CHSY3: variants seen among roughly 807,000 people sequenced by gnomAD.
CHSY3 encodes the protein chondroitin sulfate synthase 3, also known as N-acetylgalactosaminyl-proteoglycan 3-beta-glucuronosyltransferase 3.
In CHSY3, 35 loss-of-function variants were observed where a neutral mutation model predicts 67.2. The ratio of observed to expected loss-of-function variants is 0.52; its 90% CI spans 0.40 to 0.69. The LOEUF is 0.69. Ranked by LOEUF, CHSY3 falls within the 30% of genes least tolerant of loss-of-function variation. CHSY3 has a pLI of 0.00. For synonymous variants in CHSY3, 474 were observed against 434.7 expected (o/e 1.09, Z -1.12); for missense variants, 1,069 against 1,138.5 (o/e 0.94, Z 0.88).
intron 2 of CHSY3, among the ~76,000 whole-genome samples, chr5:130,096,090 C>A (rs1030914979): frequency 6.6e-6 from 1 of 152,022 alleles, no homozygotes; most frequent in Non-Finnish European, 1.5e-5. Flanking sequence ...TGACTAAGGG[C>A]ATAACAACTA....
At chr5:129,940,030 C>G (rs1428139998) in intron 2 of CHSY3, among the ~76,000 whole-genome samples, 2 of 152,062 alleles carry the variant, frequency 1.3e-5, no homozygotes, top group East Asian at 3.8e-4. Flanking sequence ...CAAATTATAA[C>G]ACCGTTGAAA....
At position 129,926,398 on chromosome 5, in the gene CHSY3, A is replaced by G. The variant is rs368490667; in HGVS notation, c.1086+18038A>G. On this transcript the variant is annotated intron_variant, in intron 2 of 2. Coordinates refer to ENST00000305031, the MANE Select transcript of CHSY3 (RefSeq NM_175856.5). ...GTAACTGGAGTTTAGATTTATGAAC[A>G]TATAGTTTTATTTTGTGTCTTAATT... Among the ~76,000 whole-genome samples, 18 of 151,966 alleles carry G rather than the reference A, an allele frequency of 1.2e-4. No individual in the cohort carries two copies. In the East Asian group the frequency reaches 1.7e-3, roughly 15 times the overall value.
At chr5:129,914,393 G>A (rs969224850) in intron 2 of CHSY3, among the ~76,000 whole-genome samples, 1 of 152,168 alleles carries the variant, frequency 6.6e-6, no homozygotes, top group Non-Finnish European at 1.5e-5. Context: ...GATTACAGGC[G>A]TAAGCCACCG....
chr5:129,952,861 A>T (rs1258789192), intron 2 of CHSY3, among the ~76,000 whole-genome samples: 1 of 152,238 alleles, frequency 6.6e-6, no homozygotes, highest in Non-Finnish European at 1.5e-5. Flanking sequence ...TTCTTTAATC[A>T]TCAAACACTG....
chr5:130,134,427 A>C (rs1768593107), intron 2 of CHSY3, among the ~76,000 whole-genome samples: 1 of 152,226 alleles, frequency 6.6e-6, no homozygotes, highest in African/African-American at 2.4e-5. Flanking sequence ...GGTAATAATC[A>C]AAAACATGTA....
intron 2 of CHSY3, among the ~76,000 whole-genome samples, chr5:130,113,701 T>TCTACAAA (rs924576540): frequency 1.1e-4 from 16 of 152,202 alleles, no homozygotes; most frequent in African/African-American, 3.9e-4. Flanking sequence ...GGAAGACAGG[T>TCTACAAA]CTACATGAGA....
At chr5:130,169,345 T>G (rs936067219) in intron 2 of CHSY3, among the ~76,000 whole-genome samples, 2 of 152,050 alleles carry the variant, frequency 1.3e-5, no homozygotes, top group Non-Finnish European at 2.9e-5. Context: ...CATAAGAAAC[T>G]CCGTAAAAAA....
chr5:130,041,817 A>C (rs1765013379), intron 2 of CHSY3, among the ~76,000 whole-genome samples: 1 of 152,176 alleles, frequency 6.6e-6, no homozygotes, highest in African/African-American at 2.4e-5. Context: ...GAAATGTTTA[A>C]AAATGTGAAA....
intron 2 of CHSY3, among the ~76,000 whole-genome samples, chr5:130,151,783 A>C (rs888399334): frequency 6.6e-6 from 1 of 152,176 alleles, no homozygotes; most frequent in African/African-American, 2.4e-5. Flanking sequence ...CCCATGATTC[A>C]GTTACCTCCT....
intron 2 of CHSY3, among the ~76,000 whole-genome samples, chr5:130,098,916 CTG>C (rs1471232675): frequency 6.6e-6 from 1 of 152,030 alleles, no homozygotes; most frequent in Non-Finnish European, 1.5e-5. Context: ...ATTTTTTTAA[CTG>C]TGTTAGAATT....
intron 2 of CHSY3, among the ~76,000 whole-genome samples, chr5:130,122,625 G>GT (rs1768078505): frequency 1.3e-5 from 2 of 152,296 alleles, no homozygotes; most frequent in East Asian, 1.9e-4. Flanking sequence ...ACAGCCAGTG[G>GT]TTTTGTGCTG....
chr5:130,176,834 C>T (rs538976835), intron 2 of CHSY3, among the ~76,000 whole-genome samples: 1 of 152,036 alleles, frequency 6.6e-6, no homozygotes, highest in East Asian at 1.9e-4. Flanking sequence ...CACACCAGGG[C>T]CTGTTGAGGA....
At chr5:129,995,454 TA>T (rs200560499) in intron 2 of CHSY3, among the ~76,000 whole-genome samples, 2 of 151,394 alleles carry the variant, frequency 1.3e-5, no homozygotes, top group African/African-American at 2.4e-5. Flanking sequence ...ATTCGTCGAT[TA>T]AAAAAAAGAA....
chr5:129,934,625 T>G (rs1341284071), intron 2 of CHSY3, among the ~76,000 whole-genome samples: 3 of 152,186 alleles, frequency 2.0e-5, no homozygotes, highest in African/African-American at 7.2e-5. Flanking sequence ...CTTTTGTTTG[T>G]CTGTCAGGAT....
chr5:129,955,998 A>G (rs922346974), intron 2 of CHSY3, among the ~76,000 whole-genome samples: 10 of 152,156 alleles, frequency 6.6e-5, no homozygotes, highest in African/African-American at 2.4e-4. Context: ...GAACCTACAC[A>G]TGTATGTGTC....
intron 2 of CHSY3, among the ~76,000 whole-genome samples, chr5:129,947,525 A>G (rs1230645166): frequency 6.6e-6 from 1 of 151,946 alleles, no homozygotes; most frequent in Non-Finnish European, 1.5e-5. Flanking sequence ...TGGGAGGCTG[A>G]GACATAAGAA....
chr5:130,142,433 T>C (rs914954416), intron 2 of CHSY3, among the ~76,000 whole-genome samples: 1 of 152,202 alleles, frequency 6.6e-6, no homozygotes, highest in African/African-American at 2.4e-5. Context: ...CTTTTCCAAC[T>C]GGAAAACTGA....
At chr5:129,933,207 G>C (rs530425448) in intron 2 of CHSY3, among the ~76,000 whole-genome samples, 1 of 152,058 alleles carries the variant, frequency 6.6e-6, no homozygotes, top group East Asian at 1.9e-4. Context: ...GAAGTGACCC[G>C]GTGCAAACTC....
At chr5:129,972,329 C>A (rs1762666049) in intron 2 of CHSY3, among the ~76,000 whole-genome samples, 3 of 151,908 alleles carry the variant, frequency 2.0e-5, no homozygotes, top group African/African-American at 4.8e-5. Context: ...GACTTGAAGA[C>A]CCCTAACAGT....
Sources: gnomAD v4.1 joint callset for allele counts (sites outside exome capture counted in the v4.1 genomes callset) on GRCh38, gnomAD v4.1.1 for gene constraint, MANE v1.5 for transcripts, NCBI Gene and HGNC (gene_info 2026-07-23, HGNC 2026-07-21) for gene names.